The following TVP23B variants were observed in gnomAD, a reference collection of about 807,000 sequenced individuals.
TVP23B encodes the protein trans-golgi network vesicle protein 23 homolog B.
Under a neutral mutation model 30.6 loss-of-function variants are expected in TVP23B, and 10 were observed. The ratio of observed to expected loss-of-function variants is 0.33; its 90% CI spans 0.20 to 0.55. The LOEUF is 0.55. Among genes scored for constraint, TVP23B ranks in the 20% least tolerant of loss-of-function variants. TVP23B has a pLI of 0.91. For synonymous variants in TVP23B, 67 were observed against 83.1 expected, an observed-to-expected ratio of 0.81 and a Z score of 1.06; for missense variants, 153 against 243.2, an observed-to-expected ratio of 0.63 and a Z score of 2.47.
At chr17:18,781,536 G>C in intron 1 of TVP23B, 2 of 647,088 alleles carry the variant, frequency 3.1e-6, no homozygotes, top group Non-Finnish European at 4.9e-6. Flanking sequence ...TTGCGGCTGT[G>C]GGGACGCCCA....
intron 3 of TVP23B, among the ~76,000 whole-genome samples, chr17:18,793,995 A>G (rs1349762829): frequency 6.6e-6 from 1 of 151,864 alleles, no homozygotes; most frequent in African/African-American, 2.4e-5. Context: ...GTAAGAAAGC[A>G]CTAAGAGGAA....
rs546507356 is a variant in TVP23B, at chr17:18,789,301, G to A, written c.13-52G>A. 8 of 1,611,824 alleles carry A rather than the reference G, an allele frequency of 5.0e-6. No homozygotes were observed. In the South Asian group the frequency reaches 7.7e-5, roughly 16 times the overall value. The stretch of plus-strand genomic sequence containing the variant: ...TATGCAGCTTTGCATTGCAGTGGCT[G>A]TGTAAACACTGAATTTTGTTTTGCT... On this transcript the variant is annotated intron_variant, in intron 1 of 6. Coordinates refer to ENST00000307767, the MANE Select transcript of TVP23B (RefSeq NM_016078.6).
chr17:18,785,120 CCCT>C (rs1567630981), intron 1 of TVP23B, among the ~76,000 whole-genome samples: 1 of 152,078 alleles, frequency 6.6e-6, no homozygotes, highest in Non-Finnish European at 1.5e-5. Context: ...GTGCTTTTGT[CCCT>C]CCTTCTTCTC....
rs1235230108 is a variant in TVP23B, at chr17:18,798,892, G to A, written c.411G>A (p.Leu137=). 1.2e-6 allele frequency: 2 copies of A among 1,613,764 alleles called. No homozygotes were observed. The highest frequency in any genetic ancestry group is 1.7e-4 in the Middle Eastern group (1 of 6,060). ...FWLGLIACPV[L]WVIFAFSALF... ...TGGGACTTATTGCCTGTCCAGTACT[G>A]TGGGTGATATTTGCTTTTAGTGCAC... The change falls in exon 5 of 7, where the codon CTG becomes CTA. Residue 137 remains leucine, a synonymous_variant. Transcript: ENST00000307767.
At chr17:18,792,731 A>G (rs2151847117) in intron 3 of TVP23B, among the ~76,000 whole-genome samples, 1 of 152,342 alleles carries the variant, frequency 6.6e-6, no homozygotes, top group East Asian at 1.9e-4. Context: ...AAGGGCTTAA[A>G]AAATGGCACC....
In TVP23B at chr17:18,798,918, T is replaced by G; in HGVS notation, c.437T>G (p.Leu146Arg). ...TGGGTGATATTTGCTTTTAGTGCACTCTTCTCCTTCAGAGTAAAGTGGTTG... is the reference window on the plus strand; with the variant it reads ...TGGGTGATATTTGCTTTTAGTGCACGCTTCTCCTTCAGAGTAAAGTGGTTG... The part of the protein sequence containing the change: ...VLWVIFAFSA[L>R]FSFRVKWLAV... Residue 146 changes from leucine (L) to arginine (R), a missense_variant, in exon 5 of 7, where the codon CTC becomes CGC. Transcript: ENST00000307767. 1 of 1,613,256 alleles carries G rather than the reference T, an allele frequency of 6.2e-7. No homozygotes were observed. The highest frequency in any genetic ancestry group is 8.5e-7 in the Non-Finnish European group (1 of 1,179,704).
Position 18,783,108 on chromosome 17 carries a change from C to T in TVP23B, c.12+1803C>T, listed in dbSNP as rs1413795029. On this transcript the variant is annotated intron_variant, in intron 1 of 6. Transcript: ENST00000307767. The stretch of plus-strand genomic sequence containing the variant: ...TTATTTATTGATTGATTGATTGATT[C>T]ATTCATTCATTTATGAGACGGAGTT... Among the ~76,000 whole-genome samples the T allele has an allele frequency of 6.5e-3, 718 of 111,010 alleles. 19 individuals carry two copies. Among genetic ancestry groups the T allele is most frequent in the Middle Eastern group, 0.019 (4 of 210 alleles). The allele number at this position is 111,010 out of a possible 152,430, so 72.8% of individuals were successfully genotyped here. A position where few individuals can be genotyped will look rare whatever the true frequency, so the allele number is the denominator to read the frequency against.
In TVP23B at chr17:18,805,847, A is replaced by G. The variant is rs1391203856; in HGVS notation, c.*280A>G. On this transcript the variant is annotated 3_prime_UTR_variant, in exon 7 of 7. Transcript: ENST00000307767. ...ATAGGTATGCACACGGCCATGTAAT[A>G]TCAGTATATCCCAAGTTAATGAAAG... The G allele has an allele frequency of 1.1e-4, 136 of 1,221,176 alleles. No individual in the cohort carries two copies. The highest frequency in any genetic ancestry group is 1.4e-4 in the Non-Finnish European group (135 of 976,188). 75.6% of individuals were successfully genotyped at this position (1,221,176 alleles called of 1,614,324 possible).
chr17:18,785,140 C>A lies in TVP23B; in HGVS notation c.12+3835C>A, dbSNP rs1420809216. On this transcript the variant is annotated intron_variant, in intron 1 of 6. Transcript: ENST00000307767. Reference sequence around the variant, plus strand: ...TTTGTCCCTCCTTCTTCTCCCCTCCCCCTCCAGATTTTTACTACAGTAGCC... The same window carrying A: ...TTTGTCCCTCCTTCTTCTCCCCTCCACCTCCAGATTTTTACTACAGTAGCC... 3.3e-5 allele frequency among the ~76,000 whole-genome samples: 5 copies of A among 152,280 alleles called. No individual in the cohort carries two copies. The South Asian group carries it at 6.2e-4, about 19-fold the overall frequency.
In TVP23B at chr17:18,806,116, A is replaced by T. The variant is rs2036247539; in HGVS notation, c.*549A>T. 1.0e-6 allele frequency: 1 copy of T among 960,166 alleles called. No homozygotes were observed. The highest frequency in any genetic ancestry group is 1.1e-4 in the East Asian group (1 of 8,720). The allele number at this position is 960,166 out of a possible 1,614,324, so 59.5% of individuals were successfully genotyped here. On this transcript the variant is annotated 3_prime_UTR_variant, in exon 7 of 7. Coordinates refer to ENST00000307767, the MANE Select transcript of TVP23B (RefSeq NM_016078.6). ...TAGACGTATGCAAGCAAGTGAAAAC[A>T]ATTAGGGCCAGTGGTATTAACTACT...
At chr17:18,792,532 C>T (rs1208330035) in intron 3 of TVP23B, among the ~76,000 whole-genome samples, 1 of 152,192 alleles carries the variant, frequency 6.6e-6, no homozygotes, top group Non-Finnish European at 1.5e-5. Context: ...ATACTGCTCA[C>T]AGTTTTGATA....
Position 18,789,359 on chromosome 17 carries a change from A to T in TVP23B, c.19A>T (p.Asn7Tyr). The T allele has an allele frequency of 6.2e-7, 1 of 1,613,978 alleles. No individual in the cohort carries two copies. Among genetic ancestry groups the T allele is most frequent in the Non-Finnish European group, 8.5e-7 (1 of 1,179,858 alleles). Residue 7 changes from asparagine to tyrosine, a missense_variant, in exon 2 of 7, where the codon AAT (asparagine) becomes TAT (tyrosine). Physicochemically the swap from Asn to Tyr is moderately radical, Grantham distance 143 (BLOSUM62 -2). This residue lies in a region of TVP23B where 38 missense variants were observed against 40.9 expected (regional missense o/e 0.93). Transcript: ENST00000307767. ...CATTTATTTTTCCTACCAGGATAGT[A>T]ATGATGACACTGAAGATGTTTCACT... MLQQDS[N>Y]DDTEDVSLFD... is the part of the protein sequence containing the mutation.
chr17:18,781,457 A>C, intron 1 of TVP23B, 152 bp downstream of exon 1: 4 of 1,394,492 alleles, frequency 2.9e-6, no homozygotes, highest in Non-Finnish European at 3.8e-6. Flanking sequence ...TAGTTGTCTG[A>C]GGAGGGCTGC....
chr17:18,799,877 T>C (rs987286181), intron 5 of TVP23B, among the ~76,000 whole-genome samples: 4 of 152,140 alleles, frequency 2.6e-5, no homozygotes, highest in African/African-American at 9.6e-5. Context: ...GATTCTTTTT[T>C]TCTTTGTGTG....
intron 1 of TVP23B, among the ~76,000 whole-genome samples, chr17:18,786,771 C>A (rs2035912349): frequency 6.6e-6 from 1 of 151,852 alleles, no homozygotes; most frequent in African/African-American, 2.4e-5. Context: ...GAGCTTCTCG[C>A]ATCCATCACT....
At chr17:18,796,186 AG>A (rs1597620700) in intron 3 of TVP23B, 2 of 152,068 alleles carry the variant, frequency 1.3e-5, no homozygotes, top group African/African-American at 2.4e-5. Context: ...CTATATTCAT[AG>A]TTTGTTGTCT....
intron 3 of TVP23B, among the ~76,000 whole-genome samples, chr17:18,791,836 T>G (rs1383137957): frequency 6.6e-6 from 1 of 151,782 alleles, no homozygotes; most frequent in African/African-American, 2.4e-5. Context: ...CATAATAAAA[T>G]ATTAAATATG....
At position 18,781,316 on chromosome 17, in the gene TVP23B, G is replaced by A. The variant is rs753220425; in HGVS notation, c.12+11G>A. On this transcript the variant is annotated intron_variant, in intron 1 of 6. Transcript: ENST00000307767. ...GCCATGTTGCAGCAGGTGAGGGGCT[G>A]AGGGCTCGCTGGGAGGGTGGCGGCT... The A allele has an allele frequency of 1.3e-6, 2 of 1,579,434 alleles. No individual in the cohort carries two copies. The highest frequency in any genetic ancestry group is 2.3e-5 in the East Asian group (1 of 43,262).
chr17:18,803,550 G>A (rs1412824727), intron 5 of TVP23B, among the ~76,000 whole-genome samples: 1 of 152,232 alleles, frequency 6.6e-6, no homozygotes, highest in Non-Finnish European at 1.5e-5. Flanking sequence ...GTGAGAAAAT[G>A]AAACTCAAAG....
Sources: allele counts gnomAD v4.1 joint callset (sites outside exome capture counted in the v4.1 genomes callset), GRCh38; gene constraint gnomAD v4.1.1; regional missense constraint gnomAD v4.1.1; transcripts MANE v1.5; gene names NCBI Gene and HGNC (gene_info 2026-07-23, HGNC 2026-07-21).